Variants in NSMAF observed in about 807,000 individuals in gnomAD.
The protein encoded by NSMAF is protein FAN.
A neutral mutation model predicts 134.9 loss-of-function variants in NSMAF; 90 were observed. The observed-to-expected ratio is 0.67, with a 90% CI of 0.56 to 0.79. NSMAF has a LOEUF of 0.79. NSMAF is among the 30% of genes least tolerant of loss of function. The pLI, the probability that NSMAF is intolerant of heterozygous loss-of-function variation, is 0.00. For synonymous variants in NSMAF, 358 were observed against 389.6 expected (o/e 0.92, Z 0.96); for missense variants, 1,010 against 1,119.0 (o/e 0.90, Z 1.39).
intron 2 of NSMAF, among the ~76,000 whole-genome samples, chr8:58,642,632 C>A (rs1409754283): frequency 6.6e-6 from 1 of 152,118 alleles, no homozygotes; most frequent in Non-Finnish European, 1.5e-5. Context: ...GGACTGGAGT[C>A]CTATCAAGCT....
chr8:58,635,768 T>A (rs1807160362), intron 2 of NSMAF, among the ~76,000 whole-genome samples: 1 of 152,250 alleles, frequency 6.6e-6, no homozygotes, highest in Non-Finnish European at 1.5e-5. Flanking sequence ...AAGTTTTTAA[T>A]TAAACTTCTT....
chr8:58,606,451 T>G (rs1361786020), intron 11 of NSMAF, among the ~76,000 whole-genome samples: 2 of 152,220 alleles, frequency 1.3e-5, no homozygotes, highest in African/African-American at 4.8e-5. Flanking sequence ...GGTCCTGCTC[T>G]GTTGCCCAGG....
chr8:58,633,210 C>G (rs1018252199), intron 5 of NSMAF, among the ~76,000 whole-genome samples: 1 of 152,256 alleles, frequency 6.6e-6, no homozygotes, highest in African/African-American at 2.4e-5. Context: ...GTCCCTGCCC[C>G]TATTCCAGCC....
chr8:58,623,127 C>T, intron 9 of NSMAF, 93 bp downstream of exon 9: 1 of 969,460 alleles, frequency 1.0e-6, no homozygotes, highest in Admixed American at 1.9e-5. Flanking sequence ...TGGGTGAGAC[C>T]AATGATGACA....
chr8:58,640,846 T>G (rs904071791), intron 2 of NSMAF, among the ~76,000 whole-genome samples: 3 of 151,764 alleles, frequency 2.0e-5, no homozygotes, highest in African/African-American at 7.3e-5. Flanking sequence ...GGATTACGAG[T>G]GTGAACCACC....
chr8:58,616,452 GA>G (rs377344347), intron 9 of NSMAF, among the ~76,000 whole-genome samples: 1 of 151,748 alleles, frequency 6.6e-6, no homozygotes, highest in Non-Finnish European at 1.5e-5. Flanking sequence ...GTTTAACATT[GA>G]AAAAAATCAA....
In NSMAF at chr8:58,606,009, ATCT is replaced by A. The variant is rs1202291352; in HGVS notation, c.783_785del (p.Glu261del). The A allele has an allele frequency of 6.3e-7, 1 of 1,594,370 alleles. No individual in the cohort carries two copies. Among genetic ancestry groups the A allele is most frequent in the Non-Finnish European group, 8.5e-7 (1 of 1,173,582 alleles). On this transcript the variant is annotated inframe_deletion, in exon 12 of 31. Transcript: ENST00000038176. ...TTAGGTAGATGTCGGAACACAGATC[ATCT>A]TCTGTGCAAAATACTTCCAAGCCCT...
At chr8:58,651,252 C>A (rs1807575837) in intron 1 of NSMAF, among the ~76,000 whole-genome samples, 2 of 152,192 alleles carry the variant, frequency 1.3e-5, no homozygotes, top group South Asian at 4.1e-4. Flanking sequence ...TGCAGAGAGA[C>A]ATCTGAGGGA....
Position 58,590,033 on chromosome 8 carries a change from GAC to G in NSMAF, c.2059_2060del (p.Val687HisfsTer7). 6.2e-7 allele frequency: 1 copy of G among 1,613,964 alleles called. No individual in the cohort carries two copies. The highest frequency in any genetic ancestry group is 8.5e-7 in the Non-Finnish European group (1 of 1,179,838). ...CATTATTATCCCATGAAGAAGTTAT[GAC>G]AGTGGCATCTCCTGGTAAAAGTAAA... The part of the protein sequence containing the change: ...SCLLLPGDAT[V>X]ITSSWDNNVY... On this transcript the variant is annotated frameshift_variant, in exon 25 of 31. Coordinates refer to ENST00000038176, the MANE Select transcript of NSMAF (RefSeq NM_003580.4). LOFTEE classifies it high-confidence loss of function.
rs1449392863 is a variant in NSMAF, at chr8:58,619,862, G to A, written c.557+3358C>T. Among the ~76,000 whole-genome samples the A allele has an allele frequency of 2.0e-5, 3 of 152,146 alleles. No individual in the cohort carries two copies. The South Asian group carries it at 6.2e-4, about 32-fold the overall frequency. The stretch of plus-strand genomic sequence containing the variant: ...TTGCTTTTATGGAAATTGACAAGCT[G>A]ATTCTAAATTCAGATGGCAGTGCCT... On this transcript the variant is annotated intron_variant, in intron 9 of 30. Coordinates refer to ENST00000038176, the MANE Select transcript of NSMAF (RefSeq NM_003580.4).
intron 13 of NSMAF, 110 bp downstream of exon 13, chr8:58,603,100 G>T (rs1026914094): frequency 3.8e-6 from 4 of 1,059,254 alleles, no homozygotes; most frequent in Non-Finnish European, 5.6e-6. Flanking sequence ...GTTGTAATTT[G>T]TTCACATGTC....
intron 11 of NSMAF, among the ~76,000 whole-genome samples, chr8:58,606,794 AC>A: frequency 6.6e-6 from 1 of 152,214 alleles, no homozygotes; most frequent in African/African-American, 2.4e-5. Flanking sequence ...TAGGAAGTTA[AC>A]CCCCGGAGTC....
At position 58,595,916 on chromosome 8, in the gene NSMAF, G is replaced by C. The variant is rs934469796; in HGVS notation, c.1793-257C>G. On this transcript the variant is annotated intron_variant, in intron 21 of 30. Transcript: ENST00000038176. Reference sequence around the variant, plus strand: ...AACAATGTTTGCAAAGTTTTCACTCGGCCTCTAACTTATGAATTTGGGGAA... The same window carrying C: ...AACAATGTTTGCAAAGTTTTCACTCCGCCTCTAACTTATGAATTTGGGGAA... 1.0e-5 allele frequency: 3 copies of C among 300,638 alleles called. No individual in the cohort carries two copies. In the South Asian group the frequency reaches 1.3e-4, roughly 13 times the overall value. The allele number at this position is 300,638 out of a possible 1,614,324, so 18.6% of individuals were successfully genotyped here.
At chr8:58,612,655 T>C (rs901385648) in intron 9 of NSMAF, among the ~76,000 whole-genome samples, 3 of 152,172 alleles carry the variant, frequency 2.0e-5, no homozygotes, top group Non-Finnish European at 2.9e-5. Flanking sequence ...GGCAGCCTTG[T>C]TGGACTGAGC....
chr8:58,599,947 C>T (rs1440773492), intron 17 of NSMAF, 23 bp downstream of exon 17: 1 of 1,613,180 alleles, frequency 6.2e-7, no homozygotes, highest in Non-Finnish European at 8.5e-7. Context: ...TCCAGTTACT[C>T]ATCAGCTTTA....
chr8:58,586,431 A>G, intron 28 of NSMAF, 27 bp downstream of exon 28: 1 of 1,592,718 alleles, frequency 6.3e-7, no homozygotes. Context: ...ACCTAGTATT[A>G]TCTGTTTTAA....
intron 2 of NSMAF, among the ~76,000 whole-genome samples, chr8:58,636,215 C>A (rs527583478): frequency 2.0e-5 from 3 of 152,248 alleles, no homozygotes; most frequent in East Asian, 3.9e-4. Flanking sequence ...CTACAATTGT[C>A]AATATGTGGT....
chr8:58,640,411 T>C (rs1938870773), intron 2 of NSMAF, among the ~76,000 whole-genome samples: 1 of 152,204 alleles, frequency 6.6e-6, no homozygotes. Flanking sequence ...GTATGTCTCT[T>C]TTCTTTTATA....
intron 12 of NSMAF, 30 bp downstream of exon 12, chr8:58,605,892 AAAAAG>A (rs1563529601): frequency 1.3e-6 from 2 of 1,520,594 alleles, no homozygotes; most frequent in Admixed American, 2.4e-5. Context: ...AAAAAAAAAA[AAAAAG>A]AAAGAAACAA....
Sources: allele counts gnomAD v4.1 joint callset (sites outside exome capture counted in the v4.1 genomes callset), GRCh38; gene constraint gnomAD v4.1.1; transcripts MANE v1.5; gene names NCBI Gene and HGNC (gene_info 2026-07-23, HGNC 2026-07-21).